The following SMAGP variants were observed in gnomAD, a reference collection of about 807,000 sequenced individuals.
SMAGP encodes small cell transmembrane and glycosylated protein.
A neutral mutation model predicts 10.1 loss-of-function variants in SMAGP; 7 were observed. The observed-to-expected ratio is 0.70, with a 90% CI of 0.40 to 1.31. The LOEUF (loss-of-function observed/expected upper bound fraction) is 1.31, where lower values mean the gene tolerates loss of function less well. Ranked by LOEUF, SMAGP falls within the 50% of genes most tolerant of loss-of-function variation. The pLI, the probability that SMAGP is intolerant of heterozygous loss-of-function variation, is 0.01. For synonymous variants in SMAGP, 49 were observed against 47.2 expected (o/e 1.04, Z -0.16); for missense variants, 113 against 116.5 (o/e 0.97, Z 0.14).
At chr12:51,265,577 T>C (rs1944966406) in intron 2 of SMAGP, among the ~76,000 whole-genome samples, 1 of 152,202 alleles carries the variant, frequency 6.6e-6, no homozygotes, top group Admixed American at 6.5e-5. Context: ...TGGATGAACT[T>C]TGAGAATATT....
rs1944748758 is a variant in SMAGP at position 51,245,059 on chromosome 12, C to G, written c.*882G>C. 1 of 151,964 alleles carries G rather than the reference C, an allele frequency of 6.6e-6. No homozygotes were observed. Among genetic ancestry groups the G allele is most frequent in the Admixed American group, 6.6e-5 (1 of 15,232 alleles). 9.4% of individuals were successfully genotyped at this position (151,964 alleles called of 1,614,324 possible). A position where few individuals can be genotyped will look rare whatever the true frequency, so the allele number is the denominator to read the frequency against. ...AGCCAGGATGGTCTCGATCTCCTAA[C>G]CTTGTGATCCGCCTGCCTCGGCCTC... is the stretch of plus-strand genomic sequence containing the variant. On this transcript the variant is annotated 3_prime_UTR_variant, in exon 4 of 4. Coordinates refer to ENST00000603798, the MANE Select transcript of SMAGP (RefSeq NM_001031628.2).
At chr12:51,246,143 A>G (rs1944767361) in intron 3 of SMAGP, 24 bp from the exon 4 acceptor site, 4 of 1,612,532 alleles carry the variant, frequency 2.5e-6, no homozygotes, top group Non-Finnish European at 3.4e-6. Context: ...GGGAAAATGT[A>G]GAGATGTTTC....
In SMAGP at chr12:51,245,565, CACTAGGTGACCA is replaced by C. The variant is rs1390808576; in HGVS notation, c.*364_*375del. 21 of 187,358 alleles carry C rather than the reference CACTAGGTGACCA, an allele frequency of 1.1e-4. No homozygotes were observed. Among genetic ancestry groups the C allele is most frequent in the African/African-American group, 4.7e-4 (20 of 42,948 alleles). The allele number at this position is 187,358 out of a possible 1,614,324, so 11.6% of individuals were successfully genotyped here. ...TGGACAGTATCTCCACTGGGGCTAT[CACTAGGTGACCA>C]GGTAGGGGACAGAGTAGAGCAGCCA... On this transcript the variant is annotated 3_prime_UTR_variant, in exon 4 of 4. Coordinates refer to ENST00000603798, the MANE Select transcript of SMAGP (RefSeq NM_001031628.2).
chr12:51,270,027 T>TCCCCGC (rs879378845), intron 1 of SMAGP: 18 of 151,292 alleles, frequency 1.2e-4, no homozygotes, highest in East Asian at 1.2e-3. Flanking sequence ...CCCGCCCCCG[T>TCCCCGC]CCCCGCCCCC....
chr12:51,265,012 T>TA (rs1944962985), intron 2 of SMAGP, among the ~76,000 whole-genome samples: 1 of 149,376 alleles, frequency 6.7e-6, no homozygotes, highest in African/African-American at 2.5e-5. Flanking sequence ...TTAAAGGATA[T>TA]AAATATACAA....
chr12:51,264,990 T>TA (rs145180403), intron 2 of SMAGP, among the ~76,000 whole-genome samples: 2 of 150,400 alleles, frequency 1.3e-5, no homozygotes, highest in Admixed American at 1.3e-4. Flanking sequence ...ATCAATTTTT[T>TA]AAAAAAAATT....
At chr12:51,246,209 G>A (rs1441371455) in intron 3 of SMAGP, 90 bp from the exon 4 acceptor site, 15 of 1,529,450 alleles carry the variant, frequency 9.8e-6, no homozygotes, top group Admixed American at 8.1e-5. Flanking sequence ...CACTGTTTTC[G>A]TAAAGATCCT....
intron 3 of SMAGP, 166 bp from the exon 4 acceptor site, chr12:51,246,285 A>G: frequency 2.1e-6 from 2 of 945,000 alleles, no homozygotes; most frequent in Non-Finnish European, 1.5e-6. Context: ...CCCAATTTCC[A>G]TGGCACATAA....
At position 51,246,124 on chromosome 12, in the gene SMAGP, G is replaced by A; in HGVS notation, c.116-5C>T. 6.2e-7 allele frequency: 1 copy of A among 1,613,680 alleles called. No homozygotes were observed. The highest frequency in any genetic ancestry group is 1.1e-5 in the South Asian group (1 of 91,054). On this transcript the variant is annotated splice_polypyrimidine_tract_variant and splice_region_variant and intron_variant, in intron 3 of 3. Coordinates refer to ENST00000603798, the MANE Select transcript of SMAGP (RefSeq NM_001031628.2). ...GGAAGACAACGGTGATAACAACTTG[G>A]AAAGGAGAGGGAAAATGTAGAGATG...
rs371514121 is a variant in SMAGP, at chr12:51,265,341, CAT to C, written c.34+3902_34+3903del. Among the ~76,000 whole-genome samples the C allele has an allele frequency of 3.4e-3, 520 of 152,290 alleles. 1 individual carries two copies. Among genetic ancestry groups the C allele is most frequent in the Non-Finnish European group, 4.7e-3 (319 of 68,028 alleles). Reference sequence around the variant, plus strand: ...AAAAAAATCAAACACAGAATTACCACATGATATAGCAATTCCACTTCTGAGCA... The same window carrying C: ...AAAAAAATCAAACACAGAATTACCACGATATAGCAATTCCACTTCTGAGCA... On this transcript the variant is annotated intron_variant, in intron 2 of 3. Coordinates refer to ENST00000603798, the MANE Select transcript of SMAGP (RefSeq NM_001031628.2).
chr12:51,264,335 G>A (rs982995066), intron 2 of SMAGP, among the ~76,000 whole-genome samples: 1 of 152,208 alleles, frequency 6.6e-6, no homozygotes, highest in African/African-American at 2.4e-5. Flanking sequence ...CATGTCACTC[G>A]CTGGATCAAG....
intron 2 of SMAGP, among the ~76,000 whole-genome samples, chr12:51,258,718 A>G (rs1238678509): frequency 1.3e-5 from 2 of 152,166 alleles, no homozygotes; most frequent in Admixed American, 1.3e-4. Flanking sequence ...AAGTGATGCC[A>G]GTCTAGACAG....
intron 2 of SMAGP, among the ~76,000 whole-genome samples, chr12:51,248,434 ACTCTCT>A (rs56012746): frequency 0.059 from 4,503 of 76,918 alleles, 99 homozygotes; most frequent in Middle Eastern, 0.12. Flanking sequence ...ACACACACAC[ACTCTCT>A]CTCTCTCTCT....
intron 3 of SMAGP, chr12:51,246,339 G>T: frequency 1.7e-6 from 1 of 581,854 alleles, no homozygotes; most frequent in Non-Finnish European, 2.8e-6. Flanking sequence ...ACATGCTTTT[G>T]ATTTCTGACA....
intron 2 of SMAGP, among the ~76,000 whole-genome samples, chr12:51,265,708 A>T (rs1293497106): frequency 6.6e-6 from 1 of 152,092 alleles, no homozygotes; most frequent in Non-Finnish European, 1.5e-5. Flanking sequence ...GGAAATGGGG[A>T]ATCAGTGTTT....
chr12:51,264,064 T>A (rs577200975), intron 2 of SMAGP, among the ~76,000 whole-genome samples: 1 of 152,120 alleles, frequency 6.6e-6, no homozygotes, highest in Non-Finnish European at 1.5e-5. Context: ...AGTCATAATG[T>A]GGCCCTTCCT....
chr12:51,265,523 T>C (rs1344518709), intron 2 of SMAGP, among the ~76,000 whole-genome samples: 2 of 152,192 alleles, frequency 1.3e-5, no homozygotes, highest in Non-Finnish European at 2.9e-5. Flanking sequence ...TACAACAATA[T>C]TATTCAGCCT....
At chr12:51,247,729 T>C (rs1275818661) in intron 2 of SMAGP, among the ~76,000 whole-genome samples, 1 of 152,168 alleles carries the variant, frequency 6.6e-6, no homozygotes, top group Non-Finnish European at 1.5e-5. Flanking sequence ...CCGACCTGAC[T>C]GGCATCCCAT....
intron 2 of SMAGP, among the ~76,000 whole-genome samples, chr12:51,267,084 C>G (rs1198627323): frequency 6.6e-6 from 1 of 152,098 alleles, no homozygotes; most frequent in Non-Finnish European, 1.5e-5. Context: ...CCACTGTACT[C>G]CAGCCTGGGT....
Sources: allele counts gnomAD v4.1 joint callset (sites outside exome capture counted in the v4.1 genomes callset), GRCh38; gene constraint gnomAD v4.1.1; transcripts MANE v1.5; gene names NCBI Gene and HGNC (gene_info 2026-07-23, HGNC 2026-07-21).